RSF1: variants seen among roughly 807,000 people sequenced by gnomAD.
RSF1 encodes remodeling and spacing factor 1.
In RSF1, 13 loss-of-function variants were observed where a neutral mutation model predicts 145.2. The observed-to-expected ratio is 0.09, with a 90% CI of 0.06 to 0.14. RSF1 has a LOEUF of 0.14. Ranked by LOEUF, RSF1 falls within the 10% of genes least tolerant of loss-of-function variation. RSF1 has a pLI of 1.00. For synonymous variants in RSF1, 577 were observed against 592.6 expected, an observed-to-expected ratio of 0.97 and a Z score of 0.38; for missense variants, 1,517 against 1,718.2, an observed-to-expected ratio of 0.88 and a Z score of 2.07.
chr11:77,761,140 C>CAT (rs751929002), intron 2 of RSF1, among the ~76,000 whole-genome samples: 19 of 152,174 alleles, frequency 1.2e-4, no homozygotes, highest in East Asian at 9.7e-4. Flanking sequence ...GGGGTTTCAC[C>CAT]ATGTTGGTCA....
At chr11:77,863,888 A>G in the RSF1 span, among the ~76,000 whole-genome samples, 2 of 152,126 alleles carry the variant, frequency 1.3e-5, no homozygotes, top group South Asian at 4.1e-4. Flanking sequence ...AAAGTCAGCA[A>G]TTATGATAAA....
rs1288509018 is a variant in RSF1, at chr11:77,701,741, A to G, written c.1488T>C (p.Ser496=). ...CTTTCTCAAGCTCACCTGTTTTCAT[A>G]CTTGTTATGACAGAATTTAAGGACT... ...GTESLNSVIT[S]MKTGELEKET... is the part of the protein sequence containing the mutation. Residue 496 remains serine, a synonymous_variant, in exon 6 of 16, where the codon AGT becomes AGC. Transcript: ENST00000308488. The G allele has an allele frequency of 6.2e-7, 1 of 1,613,494 alleles. No individual in the cohort carries two copies. Among genetic ancestry groups the G allele is most frequent in the African/African-American group, 1.3e-5 (1 of 74,864 alleles).
Position 77,675,978 on chromosome 11 carries a change from C to T in RSF1, c.3342-722G>A, listed in dbSNP as rs562706162. ...TCTGGCTCTTTTTATCACTTGACCA[C>T]ATCTCCAGTAGGGCACTCTCTACTT... On this transcript the variant is annotated intron_variant, in intron 13 of 15. Coordinates refer to ENST00000308488, the MANE Select transcript of RSF1 (RefSeq NM_016578.4). Among the ~76,000 whole-genome samples the T allele has an allele frequency of 2.8e-3, 426 of 152,324 alleles. 5 individuals are homozygous for T. The highest frequency in any genetic ancestry group is 9.8e-3 in the African/African-American group (409 of 41,584).
At chr11:77,804,356 C>T (rs1948656450) in intron 1 of RSF1, among the ~76,000 whole-genome samples, 1 of 152,128 alleles carries the variant, frequency 6.6e-6, no homozygotes, top group African/African-American at 2.4e-5. Context: ...GATTTGTAGC[C>T]TGTCGGGTAG....
chr11:77,838,615 CTTT>C, the RSF1 span, among the ~76,000 whole-genome samples: 3 of 129,322 alleles, frequency 2.3e-5, no homozygotes, highest in Admixed American at 8.2e-5. Flanking sequence ...ATACAAGTAC[CTTT>C]TTTTTTTTTT....
the RSF1 span, among the ~76,000 whole-genome samples, chr11:77,845,120 AG>A: frequency 6.6e-6 from 1 of 152,254 alleles, no homozygotes; most frequent in African/African-American, 2.4e-5. Flanking sequence ...AGCTTCATGA[AG>A]ATGTAGATTA....
intron 5 of RSF1, among the ~76,000 whole-genome samples, chr11:77,712,154 CTA>C (rs1960701526): frequency 6.6e-6 from 1 of 152,194 alleles, no homozygotes; most frequent in Non-Finnish European, 1.5e-5. Context: ...GTAATAATCC[CTA>C]TGTGTCTAGG....
At chr11:77,795,686 C>T (rs1191231851) in intron 1 of RSF1, among the ~76,000 whole-genome samples, 2 of 152,168 alleles carry the variant, frequency 1.3e-5, no homozygotes, top group Non-Finnish European at 2.9e-5. Context: ...AAAACTGGAC[C>T]TCTATTTCTC....
At chr11:77,830,478 A>T in the RSF1 span, among the ~76,000 whole-genome samples, 2 of 105,486 alleles carry the variant, frequency 1.9e-5, no homozygotes, top group African/African-American at 7.3e-5. Flanking sequence ...GACGACACCC[A>T]CCCCCCACCC....
Position 77,676,827 on chromosome 11 carries a change from T to C in RSF1, c.3306A>G (p.Glu1102=), listed in dbSNP as rs139027377. 64 of 1,613,984 alleles carry C rather than the reference T, an allele frequency of 4.0e-5. No individual in the cohort carries two copies. The highest frequency in any genetic ancestry group is 1.7e-4 in the Middle Eastern group (1 of 6,056). Residue 1102 remains glutamate (E), a synonymous_variant, in exon 13 of 16, where the codon GAA becomes GAG. Coordinates refer to ENST00000308488, the MANE Select transcript of RSF1 (RefSeq NM_016578.4). ...TCTTGAATTCATCCTCGCTCTCTTC[T>C]TCATCCAGGTTGCTATCACTGTCCA... The part of the protein sequence containing the change: ...NDLDSDSNLD[E]EESEDEFKIS...
Position 77,663,191 on chromosome 11 carries a change from C to T in RSF1, c.*3726G>A, listed in dbSNP as rs1462810602. 1.3e-5 allele frequency: 2 copies of T among 152,140 alleles called. No homozygotes were observed. Among genetic ancestry groups the T allele is most frequent in the African/African-American group, 2.4e-5 (1 of 41,434 alleles). 9.4% of individuals were successfully genotyped at this position (152,140 alleles called of 1,614,324 possible). A position where few individuals can be genotyped will look rare whatever the true frequency, so the allele number is the denominator to read the frequency against. ...ACTTGTAGATTCATTAGGTTCTTTA[C>T]AGTTGTGTGGTAGAATCAGCAAAGG... On this transcript the variant is annotated 3_prime_UTR_variant, in exon 16 of 16. Transcript: ENST00000308488.
At position 77,728,535 on chromosome 11, in the gene RSF1, G is replaced by GGGAAAGGGAAGA. The variant is rs1236648137; in HGVS notation, c.579-2848_579-2837dup. 2.0e-5 allele frequency among the ~76,000 whole-genome samples: 3 copies of GGGAAAGGGAAGA among 150,542 alleles called. No individual in the cohort carries two copies. In the South Asian group the frequency reaches 6.3e-4, roughly 32 times the overall value. On this transcript the variant is annotated intron_variant, in intron 4 of 15. Transcript: ENST00000308488. ...AAGGAAAGGAAAGGGGAAAGGAAAG[G>GGGAAAGGGAAGA]GGAAAGGGAAGAGGAAAGGGAAGGG...
In RSF1 at chr11:77,662,045, C is replaced by T. The variant is rs928472359; in HGVS notation, c.*4872G>A. 1 of 152,040 alleles carries T rather than the reference C, an allele frequency of 6.6e-6. No individual in the cohort carries two copies. Among genetic ancestry groups the T allele is most frequent in the Non-Finnish European group, 1.5e-5 (1 of 67,980 alleles). The allele number at this position is 152,040 out of a possible 1,614,324, so 9.4% of individuals were successfully genotyped here. On this transcript the variant is annotated 3_prime_UTR_variant, in exon 16 of 16. Transcript: ENST00000308488. ...AAAAAGCACGAGGCAAGTATTCAGTCCTTAGCACACTTTCTAACTTGTACC... is the reference window on the plus strand; with the variant it reads ...AAAAAGCACGAGGCAAGTATTCAGTTCTTAGCACACTTTCTAACTTGTACC...
At chr11:77,804,616 C>A (rs1281327911) in intron 1 of RSF1, among the ~76,000 whole-genome samples, 1 of 152,146 alleles carries the variant, frequency 6.6e-6, no homozygotes, top group Admixed American at 6.6e-5. Flanking sequence ...GTGGGTGGAT[C>A]ACTTGAGCCC....
chr11:77,678,804 GATTAA>G (rs1468846522), intron 11 of RSF1, among the ~76,000 whole-genome samples: 198 of 152,252 alleles, frequency 1.3e-3, no homozygotes, highest in African/African-American at 4.5e-3. Flanking sequence ...TCCCTTCCGT[GATTAA>G]GAACACCCTA....
intron 1 of RSF1, among the ~76,000 whole-genome samples, chr11:77,792,054 A>C (rs1371985141): frequency 1.3e-5 from 2 of 152,152 alleles, no homozygotes. Flanking sequence ...CAATTTACAA[A>C]AGAAAGAGGT....
At chr11:77,839,747 C>T in the RSF1 span, among the ~76,000 whole-genome samples, 1 of 152,068 alleles carries the variant, frequency 6.6e-6, no homozygotes, top group African/African-American at 2.4e-5. Flanking sequence ...CATGTTCTCA[C>T]TTATAAGTGG....
At chr11:77,689,624 A>T (rs1365942502) in intron 9 of RSF1, among the ~76,000 whole-genome samples, 3 of 152,314 alleles carry the variant, frequency 2.0e-5, no homozygotes, top group South Asian at 4.1e-4. Context: ...TTGGTTCTGT[A>T]CTATATTATT....
intron 3 of RSF1, among the ~76,000 whole-genome samples, chr11:77,744,204 CT>C (rs1947973423): frequency 6.6e-6 from 1 of 151,984 alleles, no homozygotes. Flanking sequence ...GATTTTTGTA[CT>C]TTTAGTAGAG....
Sources: allele counts gnomAD v4.1 joint callset (sites outside exome capture counted in the v4.1 genomes callset), GRCh38; gene constraint gnomAD v4.1.1; transcripts MANE v1.5; gene names NCBI Gene and HGNC (gene_info 2026-07-23, HGNC 2026-07-21).